CFAP92: variants seen among roughly 807,000 people sequenced by gnomAD.
The protein encoded by CFAP92 is cilia and flagella associated protein 92 (putative).
Under a neutral mutation model 106.3 loss-of-function variants are expected in CFAP92, and 86 were observed. That is an observed-to-expected ratio of 0.81 (90% CI 0.68 to 0.97). The LOEUF (loss-of-function observed/expected upper bound fraction) is 0.97. Ranked by LOEUF, CFAP92 falls within the 50% of genes least tolerant of loss-of-function variation. CFAP92 has a pLI of 0.00. For missense variants in CFAP92, 1,204 were observed against 1,283.8 expected (o/e 0.94, Z 0.95); for synonymous variants, 477 against 506.4 (o/e 0.94, Z 0.78).
Position 128,945,286 on chromosome 3 carries a change from G to A in CFAP92, c.2043C>T (p.Thr681=), listed in dbSNP as rs1402569623. 6.5e-7 allele frequency: 1 copy of A among 1,536,024 alleles called. No homozygotes were observed. Among genetic ancestry groups the A allele is most frequent in the East Asian group, 2.4e-5 (1 of 40,932 alleles). The change falls in exon 10 of 16, where the codon ACC becomes ACT. Residue 681 remains threonine (T), a synonymous_variant. Coordinates refer to ENST00000645291, the MANE Select transcript of CFAP92 (RefSeq NM_001394090.1). ...SLLHSLLQDI[T]MINAKALGLD... is the part of the protein sequence containing the mutation. Reference sequence around the variant, plus strand: ...GGCCGAGGGCCTTAGCGTTGATCATGGTGATGTCCTGCAGCAGGCTGTGGA... The same window carrying A: ...GGCCGAGGGCCTTAGCGTTGATCATAGTGATGTCCTGCAGCAGGCTGTGGA...
intron 12 of CFAP92, among the ~76,000 whole-genome samples, chr3:128,929,986 G>A (rs899926812): frequency 4.6e-5 from 7 of 152,086 alleles, no homozygotes; most frequent in Non-Finnish European, 1.0e-4. Context: ...AATTATTATA[G>A]TATGAATAGG....
chr3:128,976,779 A>AT (rs1943183707), intron 6 of CFAP92, among the ~76,000 whole-genome samples, 200 bp downstream of exon 6: 1 of 152,240 alleles, frequency 6.6e-6, no homozygotes. Context: ...ATCAAATGAG[A>AT]TAAAATAATG....
rs369903552 is a variant in CFAP92 at position 128,928,336 on chromosome 3, G to A, written c.2751+4364C>T. Among the ~76,000 whole-genome samples, 52 of 152,230 alleles carry A rather than the reference G, an allele frequency of 3.4e-4. No homozygotes were observed. In the South Asian group the frequency reaches 0.011, roughly 31 times the overall value. ...GGCAAGCTGATCTTAAAATATATGT[G>A]GAAATGCAAAGGACCCAAAGTAGTC... On this transcript the variant is annotated intron_variant, in intron 12 of 15. Transcript: ENST00000645291.
chr3:128,965,578 G>A lies in CFAP92; in HGVS notation c.1286C>T (p.Pro429Leu), dbSNP rs554619709. Residue 429 changes from proline (P) to leucine (L), a missense_variant, in exon 9 of 16, where the codon CCC becomes CTC. Coordinates refer to ENST00000645291, the MANE Select transcript of CFAP92 (RefSeq NM_001394090.1). ...MTEEQKQDLN[P>L]LTIKIKCASC... The stretch of plus-strand genomic sequence containing the variant: ...AGCACACTTGATCTTTATGGTCAGG[G>A]GATTTAAATCCTGCTTTTGCTCCTC... The A allele has an allele frequency of 1.0e-5, 4 of 398,880 alleles. No individual in the cohort carries two copies. In the South Asian group the frequency reaches 5.1e-4, roughly 51 times the overall value. The allele number at this position is 398,880 out of a possible 1,614,324, so 24.7% of individuals were successfully genotyped here.
rs1465456903 is a variant in CFAP92, at chr3:128,965,826, AAAAAG to A, written c.1169-136_1169-132del. ...AAAGTGAAAACTTTAATTAAAAAAA[AAAAAG>A]AAAAGAAAGAATTGGGAAACACCCA... On this transcript the variant is annotated intron_variant, in intron 8 of 15. Transcript: ENST00000645291. 193 of 396,336 alleles carry A rather than the reference AAAAAG, an allele frequency of 4.9e-4. 1 individual carries two copies. The East Asian group carries it at 5.0e-3, about 10-fold the overall frequency. The allele number at this position is 396,336 out of a possible 1,614,324, so 24.6% of individuals were successfully genotyped here. A position where few individuals can be genotyped will look rare whatever the true frequency, so the allele number is the denominator to read the frequency against.
At chr3:128,931,152 G>A (rs1040852060) in intron 12 of CFAP92, among the ~76,000 whole-genome samples, 12 of 151,040 alleles carry the variant, frequency 7.9e-5, no homozygotes, top group African/African-American at 1.9e-4. Flanking sequence ...GGATCTGACC[G>A]CCTCAACCTC....
chr3:129,001,996 CAG>C (rs1944793075), intron 1 of CFAP92: 8 of 1,545,902 alleles, frequency 5.2e-6, no homozygotes, highest in African/African-American at 1.4e-5. Flanking sequence ...GACGGGGACT[CAG>C]ATACCGATGA....
rs1940423423 is a variant in CFAP92 at position 128,948,192 on chromosome 3, A to T, written c.1354-2217T>A. Among the ~76,000 whole-genome samples the T allele has an allele frequency of 4.0e-5, 6 of 151,334 alleles. 1 individual carries two copies. Among genetic ancestry groups the T allele is most frequent in the Admixed American group, 2.6e-4 (4 of 15,150 alleles). ...ATGTGTATGTAAACACACATTTATTATATATATATATTTATGGTGAGACAG... is the reference window on the plus strand; with the variant it reads ...ATGTGTATGTAAACACACATTTATTTTATATATATATTTATGGTGAGACAG... On this transcript the variant is annotated intron_variant, in intron 9 of 15. Transcript: ENST00000645291.
At chr3:128,927,687 G>A (rs527263037) in intron 12 of CFAP92, among the ~76,000 whole-genome samples, 2 of 148,532 alleles carry the variant, frequency 1.3e-5, no homozygotes, top group Non-Finnish European at 3.0e-5. Context: ...TTGTGCCACT[G>A]CACTCCAGCC....
the CFAP92 span, among the ~76,000 whole-genome samples, chr3:129,022,194 G>A: frequency 6.6e-6 from 1 of 152,192 alleles, no homozygotes; most frequent in South Asian, 2.1e-4. Context: ...AAGTTTAGAA[G>A]GACCATGTCA....
chr3:129,010,911 C>T, the CFAP92 span, among the ~76,000 whole-genome samples: 1 of 152,320 alleles, frequency 6.6e-6, no homozygotes, highest in Admixed American at 6.5e-5. This position sits in a 1 kb window ranked among gnomAD's most constrained non-coding sequence, Gnocchi z 4.3. Context: ...GGGGCCTAGG[C>T]TCAGAAGGCC....
rs377184206 is a variant in CFAP92, at chr3:128,962,879, T to C, written c.1353+2632A>G. Among the ~76,000 whole-genome samples the C allele has an allele frequency of 3.5e-3, 539 of 152,332 alleles. 19 individuals are homozygous for C. In the East Asian group the frequency reaches 0.077, roughly 22 times the overall value. ...CAAATTGTTTTGCCTATCCACCCCG[T>C]GGTGCCAAACCCATATACTCTCCTA... On this transcript the variant is annotated intron_variant, in intron 9 of 15. Coordinates refer to ENST00000645291, the MANE Select transcript of CFAP92 (RefSeq NM_001394090.1).
At chr3:128,925,916 A>C (rs1480939843) in intron 12 of CFAP92, among the ~76,000 whole-genome samples, 1 of 152,232 alleles carries the variant, frequency 6.6e-6, no homozygotes, top group Non-Finnish European at 1.5e-5. Context: ...ATAACTGCCA[A>C]GCTAGAATTC....
rs772858470 is a variant in CFAP92 at position 128,993,024 on chromosome 3, C to A, written c.262+19G>T. 3.7e-6 allele frequency: 6 copies of A among 1,613,242 alleles called. No homozygotes were observed. The South Asian group carries it at 6.6e-5, about 18-fold the overall frequency. On this transcript the variant is annotated intron_variant, in intron 2 of 15. Coordinates refer to ENST00000645291, the MANE Select transcript of CFAP92 (RefSeq NM_001394090.1). ...CCTCCTTTTTTCAGAGGGTGTTAAA[C>A]TTCTGCTCTAGCACCTACCCATATT...
At chr3:128,983,710 G>A (rs567645894) in intron 4 of CFAP92, among the ~76,000 whole-genome samples, 14 of 152,372 alleles carry the variant, frequency 9.2e-5, no homozygotes, top group East Asian at 3.9e-4. Context: ...GCTGGGAGCC[G>A]TGGAAGAATG....
At chr3:129,003,309 ATG>A (rs551394186), upstream of CFAP92, 1,295 of 984,536 alleles carry the variant, frequency 1.3e-3, 3 homozygotes, top group South Asian at 1.8e-3. Context: ...AGCACCTACT[ATG>A]TGCCAGGTTT....
intron 8 of CFAP92, 171 bp downstream of exon 8, chr3:128,971,116 G>T: frequency 1.0e-6 from 1 of 964,534 alleles, no homozygotes; most frequent in Non-Finnish European, 1.5e-6. Flanking sequence ...ACCCTCTCTG[G>T]GCCTTTGTTT....
chr3:128,972,996 G>A (rs1016240494), intron 7 of CFAP92, among the ~76,000 whole-genome samples: 2 of 152,162 alleles, frequency 1.3e-5, no homozygotes, highest in Non-Finnish European at 2.9e-5. Flanking sequence ...CCCAGCTGAG[G>A]AAGGATTTCT....
At chr3:128,926,595 G>C (rs1037368365) in intron 12 of CFAP92, among the ~76,000 whole-genome samples, 2 of 152,168 alleles carry the variant, frequency 1.3e-5, no homozygotes, top group Non-Finnish European at 2.9e-5. Context: ...AGACATTCTA[G>C]ACAATGCAAA....
Sources: allele counts gnomAD v4.1 joint callset (sites outside exome capture counted in the v4.1 genomes callset), GRCh38; gene constraint gnomAD v4.1.1; non-coding constraint Gnocchi (gnomAD v3.1); transcripts MANE v1.5; gene names NCBI Gene and HGNC (gene_info 2026-07-23, HGNC 2026-07-21).